The following TLL2 variants were observed in gnomAD, a reference collection of about 807,000 sequenced individuals.
TLL2 encodes the protein tolloid-like protein 2.
In TLL2, 106 loss-of-function variants were observed where a neutral mutation model predicts 123.0. That is an observed-to-expected ratio of 0.86 (90% CI 0.74 to 1.01). The LOEUF is 1.01. Among genes scored for constraint, TLL2 ranks in the 50% least tolerant of loss-of-function variants. The pLI is 0.00. For synonymous variants in TLL2, 494 were observed against 516.8 expected (o/e 0.96, Z 0.60); for missense variants, 1,332 against 1,336.7 (o/e 1.00, Z 0.06).
chr10:96,501,912 C>T (rs761397368), intron 1 of TLL2, among the ~76,000 whole-genome samples: 9 of 152,146 alleles, frequency 5.9e-5, no homozygotes, highest in Non-Finnish European at 1.0e-4. Context: ...AAATCAGTCT[C>T]GTTTATACTC....
intron 1 of TLL2, among the ~76,000 whole-genome samples, chr10:96,498,182 A>G (rs888007613): frequency 6.6e-6 from 1 of 152,220 alleles, no homozygotes; most frequent in African/African-American, 2.4e-5. Context: ...CATTCTGAAG[A>G]CAATGGCCAT....
At chr10:96,400,014 A>C (rs1846378425) in intron 10 of TLL2, among the ~76,000 whole-genome samples, 1 of 152,016 alleles carries the variant, frequency 6.6e-6, no homozygotes, top group East Asian at 1.9e-4. Context: ...ATTCCTAAGC[A>C]CTCTCCCCAA....
At chr10:96,454,006 C>T (rs868283349) in intron 2 of TLL2, among the ~76,000 whole-genome samples, 3 of 128,198 alleles carry the variant, frequency 2.3e-5, no homozygotes, top group Non-Finnish European at 3.4e-5. Flanking sequence ...TTGTAGTGTG[C>T]GCCTGCACAC....
rs934869078 is a variant in TLL2 at position 96,513,915 on chromosome 10, G to T, written c.-230C>A. ...CTTGCCCGGCGGCCGAGGCTGCGGC[G>T]GCTGCGAGTGTGGCGGTGGCGGCGG... is the stretch of plus-strand genomic sequence containing the variant. On this transcript the variant is annotated 5_prime_UTR_variant, in exon 1 of 21. Coordinates refer to ENST00000357947, the MANE Select transcript of TLL2 (RefSeq NM_012465.4). The T allele has an allele frequency of 1.2e-5, 6 of 505,280 alleles. No homozygotes were observed. Among genetic ancestry groups the T allele is most frequent in the Admixed American group, 8.5e-5 (2 of 23,638 alleles). The allele number at this position is 505,280 out of a possible 1,614,324, so 31.3% of individuals were successfully genotyped here. A position where few individuals can be genotyped will look rare whatever the true frequency, so the allele number is the denominator to read the frequency against.
At chr10:96,490,078 C>T (rs1380397966) in intron 1 of TLL2, among the ~76,000 whole-genome samples, 1 of 151,834 alleles carries the variant, frequency 6.6e-6, no homozygotes, top group African/African-American at 2.4e-5. Flanking sequence ...GCCTGGGTGA[C>T]AGAGTGAGAC....
intron 10 of TLL2, among the ~76,000 whole-genome samples, chr10:96,398,663 C>T (rs1427440057): frequency 1.3e-5 from 2 of 152,132 alleles, no homozygotes; most frequent in African/African-American, 4.8e-5. Flanking sequence ...GATGGCAGCC[C>T]AGGGCGAGGT....
chr10:96,458,305 C>T (rs964290881), intron 2 of TLL2, among the ~76,000 whole-genome samples: 9 of 152,112 alleles, frequency 5.9e-5, no homozygotes, highest in African/African-American at 1.9e-4. Context: ...AAAATTTGTC[C>T]GCCAGGTACA....
chr10:96,448,530 G>A (rs2861580), intron 2 of TLL2, among the ~76,000 whole-genome samples: 97,530 of 152,008 alleles, frequency 0.64, 31,607 homozygotes, highest in East Asian at 0.88. Flanking sequence ...CATTCAACAA[G>A]TATCTATCCA....
intron 2 of TLL2, among the ~76,000 whole-genome samples, chr10:96,448,065 T>C (rs1051829612): frequency 6.6e-6 from 1 of 152,074 alleles, no homozygotes; most frequent in Non-Finnish European, 1.5e-5. Context: ...GCCATCACTT[T>C]CCCTCTCTGT....
chr10:96,395,738 G>A, intron 12 of TLL2, 137 bp downstream of exon 12: 1 of 1,125,264 alleles, frequency 8.9e-7, no homozygotes, highest in South Asian at 1.8e-5. Flanking sequence ...AGATGTCCGG[G>A]CACAATTCAC....
Position 96,486,788 on chromosome 10 carries a change from G to A in TLL2, c.176-6329C>T, listed in dbSNP as rs541185957. The stretch of plus-strand genomic sequence containing the variant: ...CAGTTTGAAGGCGGAGCATGGCAGA[G>A]GGGCCAAGCAGGGCAGAGCAGCGGG... On this transcript the variant is annotated intron_variant, in intron 1 of 20. Coordinates refer to ENST00000357947, the MANE Select transcript of TLL2 (RefSeq NM_012465.4). Among the ~76,000 whole-genome samples, 3 of 152,376 alleles carry A rather than the reference G, an allele frequency of 2.0e-5. No homozygotes were observed. The South Asian group carries it at 6.2e-4, about 32-fold the overall frequency.
At chr10:96,505,256 G>A (rs1847568624) in intron 1 of TLL2, among the ~76,000 whole-genome samples, 1 of 152,062 alleles carries the variant, frequency 6.6e-6, no homozygotes, top group African/African-American at 2.4e-5. Context: ...GTGAGAACTC[G>A]CTCACCATCA....
rs147823646 is a variant in TLL2 at position 96,370,186 on chromosome 10, A to T, written c.2792T>A (p.Val931Glu). 2.5e-6 allele frequency: 4 copies of T among 1,614,132 alleles called. No individual in the cohort carries two copies. The highest frequency in any genetic ancestry group is 3.4e-6 in the Non-Finnish European group (4 of 1,179,988). The change falls in exon 20 of 21, where the codon GTG (valine) becomes GAG (glutamate). Residue 931 changes from valine (V) to glutamate (E), a missense_variant. Physicochemically the swap from Val to Glu is moderately radical, Grantham distance 121 (BLOSUM62 -2). Transcript: ENST00000357947. ...CTCAAAGGTCCGGAATGTCAGCTCC[A>T]CGCCGTAGCCGTCCTCTGCCACGAT... ...WVIVAEDGYG[V>E]ELTFRTFEVE...
intron 5 of TLL2, among the ~76,000 whole-genome samples, chr10:96,424,769 TG>T (rs1564904641): frequency 6.2e-5 from 5 of 80,472 alleles, no homozygotes; most frequent in Non-Finnish European, 1.2e-4. Context: ...TTTTATGTAT[TG>T]TTTTGTTTTT....
At chr10:96,437,720 T>C (rs150228052) in intron 3 of TLL2, among the ~76,000 whole-genome samples, 22 of 152,360 alleles carry the variant, frequency 1.4e-4, no homozygotes, top group African/African-American at 4.3e-4. Flanking sequence ...ATCTAAGTTG[T>C]TGCCTGTATG....
intron 1 of TLL2, among the ~76,000 whole-genome samples, chr10:96,480,857 C>T (rs1319353186): frequency 2.0e-5 from 3 of 152,170 alleles, no homozygotes; most frequent in Non-Finnish European, 4.4e-5. Flanking sequence ...TTTTTGTTGC[C>T]CTTCCCTGGG....
chr10:96,440,560 C>T (rs1236505584), intron 3 of TLL2, among the ~76,000 whole-genome samples: 1 of 152,206 alleles, frequency 6.6e-6, no homozygotes, highest in Non-Finnish European at 1.5e-5. Context: ...CTGTCGCCAA[C>T]TCTCCTTTGG....
rs1252825997 is a variant in TLL2 at position 96,442,182 on chromosome 10, TC to T, written c.364+3908del. On this transcript the variant is annotated intron_variant, in intron 3 of 20. Transcript: ENST00000357947. Reference sequence around the variant, plus strand: ...ATGTTGAGTGAGCATTTCAGCCCTTTCCCCCTCCCCAAAGCTGGAGGCACAA... The same window carrying T: ...ATGTTGAGTGAGCATTTCAGCCCTTTCCCCTCCCCAAAGCTGGAGGCACAA... 2.0e-5 allele frequency among the ~76,000 whole-genome samples: 3 copies of T among 151,964 alleles called. No individual in the cohort carries two copies. The East Asian group carries it at 5.8e-4, about 29-fold the overall frequency.
At chr10:96,408,963 C>T (rs924284048) in intron 9 of TLL2, among the ~76,000 whole-genome samples, 3 of 152,224 alleles carry the variant, frequency 2.0e-5, no homozygotes, top group East Asian at 3.8e-4. Flanking sequence ...AGATGATCCA[C>T]ATGATATGCT....
Sources: allele counts gnomAD v4.1 joint callset (sites outside exome capture counted in the v4.1 genomes callset), GRCh38; gene constraint gnomAD v4.1.1; transcripts MANE v1.5; gene names NCBI Gene and HGNC (gene_info 2026-07-23, HGNC 2026-07-21).